Variants in UBTD1 observed in about 807,000 individuals in gnomAD.
UBTD1 encodes the protein ubiquitin domain containing 1.
UBTD1 carries 19 observed loss-of-function variants against 21.7 expected under a neutral mutation model. The observed-to-expected ratio is 0.87, with a 90% CI of 0.61 to 1.28. The LOEUF is 1.28. Among genes scored for constraint, UBTD1 ranks in the 50% most tolerant of loss-of-function variants. UBTD1 has a pLI of 0.00. For missense variants in UBTD1, 282 were observed against 315.1 expected, an observed-to-expected ratio of 0.89 and a Z score of 0.80; for synonymous variants, 116 against 135.1, an observed-to-expected ratio of 0.86 and a Z score of 0.98.
intron 1 of UBTD1, among the ~76,000 whole-genome samples, chr10:97,558,569 TTC>T (rs2040676130): frequency 6.6e-6 from 1 of 152,166 alleles, no homozygotes; most frequent in Non-Finnish European, 1.5e-5. Context: ...CTGCCATTTT[TTC>T]TCTTTCTGAC....
chr10:97,566,885 C>T (rs540601595), intron 1 of UBTD1, among the ~76,000 whole-genome samples: 1 of 152,216 alleles, frequency 6.6e-6, no homozygotes, highest in South Asian at 2.1e-4. Context: ...TACCTCTGCC[C>T]TCAGTCTTGG....
At chr10:97,533,003 G>C (rs929275566) in intron 1 of UBTD1, among the ~76,000 whole-genome samples, 4 of 152,202 alleles carry the variant, frequency 2.6e-5, no homozygotes, top group Non-Finnish European at 5.9e-5. Flanking sequence ...GGAGTGCTTT[G>C]CATCCACTTT....
intron 1 of UBTD1, among the ~76,000 whole-genome samples, chr10:97,527,817 A>G (rs1032777027): frequency 6.6e-6 from 1 of 152,176 alleles, no homozygotes; most frequent in Non-Finnish European, 1.5e-5. Flanking sequence ...TTTTCTTAGT[A>G]CAGAACAAAA....
At position 97,568,707 on chromosome 10, in the gene UBTD1, G is replaced by A. The variant is rs73332734; in HGVS notation, c.298+566G>A. On this transcript the variant is annotated intron_variant, in intron 2 of 2. Transcript: ENST00000370664. ...AAAGGCACTGACCTTTTATTGGGTT[G>A]TTATGTGCTGGACACCGAACTAGAA... is the stretch of plus-strand genomic sequence containing the variant. 7.5e-3 allele frequency among the ~76,000 whole-genome samples: 1,135 copies of A among 152,206 alleles called. 13 individuals are homozygous for A. Among genetic ancestry groups the A allele is most frequent in the African/African-American group, 0.016 (675 of 41,522 alleles).
At chr10:97,550,939 T>G (rs2040634163) in intron 1 of UBTD1, among the ~76,000 whole-genome samples, 1 of 152,170 alleles carries the variant, frequency 6.6e-6, no homozygotes, top group African/African-American at 2.4e-5. Context: ...GCCCTCTTGC[T>G]CTCTTCCCTC....
chr10:97,509,605 C>T lies in UBTD1; in HGVS notation c.70+10332C>T, dbSNP rs566472992. 6.6e-5 allele frequency among the ~76,000 whole-genome samples: 10 copies of T among 152,282 alleles called. 3 individuals are homozygous for T. Among genetic ancestry groups the T allele is most frequent in the African/African-American group, 2.4e-4 (10 of 41,548 alleles). ...CTGTTCTGGTCACCCTCTGGCTCAT[C>T]CCTTGGAGTCAGAGTGCAATCACAA... On this transcript the variant is annotated intron_variant, in intron 1 of 2. Transcript: ENST00000370664.
At position 97,560,589 on chromosome 10, in the gene UBTD1, T is replaced by C. The variant is rs190451183; in HGVS notation, c.71-7325T>C. On this transcript the variant is annotated intron_variant, in intron 1 of 2. Transcript: ENST00000370664. ...GGGTGCCTTGGCTTACAGGTTACCT[T>C]GTGTCATACCTTTGAAACAAGGGAC... Among the ~76,000 whole-genome samples the C allele has an allele frequency of 6.4e-3, 974 of 152,250 alleles. 13 individuals are homozygous for C. Among genetic ancestry groups the C allele is most frequent in the African/African-American group, 0.022 (910 of 41,526 alleles).
At chr10:97,563,804 G>A (rs1433618851) in intron 1 of UBTD1, among the ~76,000 whole-genome samples, 1 of 152,030 alleles carries the variant, frequency 6.6e-6, no homozygotes, top group East Asian at 1.9e-4. Flanking sequence ...GTGGGTGGGG[G>A]GTGACTGAAT....
chr10:97,502,147 A>G (rs929537930), intron 1 of UBTD1, among the ~76,000 whole-genome samples: 4 of 151,896 alleles, frequency 2.6e-5, no homozygotes, highest in Non-Finnish European at 5.9e-5. Context: ...TAGAAAGCAA[A>G]CTCAACTTCA....
chr10:97,530,393 G>T (rs35483267), intron 1 of UBTD1, among the ~76,000 whole-genome samples: 2 of 151,944 alleles, frequency 1.3e-5, no homozygotes, highest in Non-Finnish European at 2.9e-5. Flanking sequence ...AGTTACAGTC[G>T]CGCCACTGCA....
chr10:97,513,119 G>A (rs2040429278), intron 1 of UBTD1, among the ~76,000 whole-genome samples: 1 of 152,228 alleles, frequency 6.6e-6, no homozygotes, highest in Non-Finnish European at 1.5e-5. Context: ...GCCACTGTCT[G>A]TGGTCTGCTC....
chr10:97,552,116 C>T (rs1314188490), intron 1 of UBTD1, among the ~76,000 whole-genome samples: 1 of 151,544 alleles, frequency 6.6e-6, no homozygotes, highest in Non-Finnish European at 1.5e-5. Context: ...CAGCTGAGCA[C>T]TTTGGGAGGC....
chr10:97,518,858 T>A (rs1316870161), intron 1 of UBTD1, among the ~76,000 whole-genome samples: 1 of 152,266 alleles, frequency 6.6e-6, no homozygotes, highest in African/African-American at 2.4e-5. Flanking sequence ...CTTAATGTTT[T>A]CCAGATGTAG....
chr10:97,537,077 CCTGT>C (rs2040566133), intron 1 of UBTD1, among the ~76,000 whole-genome samples: 1 of 151,914 alleles, frequency 6.6e-6, no homozygotes, highest in Non-Finnish European at 1.5e-5. Context: ...GCAGGGCAGG[CCTGT>C]CTGAGGAGGT....
chr10:97,521,852 T>C (rs2040468056), intron 1 of UBTD1, among the ~76,000 whole-genome samples: 2 of 152,266 alleles, frequency 1.3e-5, no homozygotes, highest in South Asian at 4.1e-4. Flanking sequence ...CATGCACCTG[T>C]TTTGTGCTGC....
In UBTD1 at chr10:97,499,288, G is replaced by A. The variant is rs959393403; in HGVS notation, c.70+15G>A. The A allele has an allele frequency of 1.9e-5, 29 of 1,547,778 alleles. No individual in the cohort carries two copies. In the Admixed American group the frequency reaches 5.7e-4, roughly 31 times the overall value. On this transcript the variant is annotated intron_variant, in intron 1 of 2. Transcript: ENST00000370664. Reference sequence around the variant, plus strand: ...CAAGCGAGCAGGTAACGATGGGGAAGGGAGCAGGGCCTCGGGCATCCCGCC... The same window carrying A: ...CAAGCGAGCAGGTAACGATGGGGAAAGGAGCAGGGCCTCGGGCATCCCGCC...
chr10:97,564,532 A>C lies in UBTD1; in HGVS notation c.71-3382A>C, dbSNP rs538759518. 9.2e-5 allele frequency among the ~76,000 whole-genome samples: 14 copies of C among 152,238 alleles called. No individual in the cohort carries two copies. The East Asian group carries it at 2.5e-3, about 27-fold the overall frequency. On this transcript the variant is annotated intron_variant, in intron 1 of 2. Coordinates refer to ENST00000370664, the MANE Select transcript of UBTD1 (RefSeq NM_024954.5). Reference sequence around the variant, plus strand: ...CAGCCACCTGTGAAATTTCATCTACATAATAAGAACCTTGGTCTCCACAAC... The same window carrying C: ...CAGCCACCTGTGAAATTTCATCTACCTAATAAGAACCTTGGTCTCCACAAC...
chr10:97,545,044 C>T (rs10882959), intron 1 of UBTD1, among the ~76,000 whole-genome samples: 41,048 of 151,626 alleles, frequency 0.27, 5,817 homozygotes, highest in East Asian at 0.49. Flanking sequence ...TAATAAGTAC[C>T]TACTCTCCGG....
At chr10:97,528,168 C>T (rs1282389430) in intron 1 of UBTD1, among the ~76,000 whole-genome samples, 9 of 104,328 alleles carry the variant, frequency 8.6e-5, no homozygotes, top group Non-Finnish European at 1.2e-4. Context: ...GCTGGCCGGG[C>T]GGGGGGCTGA....
Sources: allele counts gnomAD v4.1 joint callset (sites outside exome capture counted in the v4.1 genomes callset), GRCh38; gene constraint gnomAD v4.1.1; transcripts MANE v1.5; gene names NCBI Gene and HGNC (gene_info 2026-07-23, HGNC 2026-07-21).